The following PPP1R13B variants were observed in gnomAD, a reference collection of about 807,000 sequenced individuals.
The protein encoded by PPP1R13B is protein phosphatase 1 regulatory subunit 13B, also known as apoptosis-stimulating of p53 protein 1.
In PPP1R13B, 44 loss-of-function variants were observed where a neutral mutation model predicts 119.8. The ratio of observed to expected loss-of-function variants is 0.37; its 90% CI spans 0.29 to 0.47. The LOEUF (loss-of-function observed/expected upper bound fraction) is 0.47. Ranked by LOEUF, PPP1R13B falls within the 20% of genes least tolerant of loss-of-function variation. The pLI is 0.99. For missense variants in PPP1R13B, 1,227 were observed against 1,413.5 expected (o/e 0.87, Z 2.12); for synonymous variants, 542 against 561.5 (o/e 0.97, Z 0.49).
chr14:103,759,129 T>C (rs2084745518), intron 4 of PPP1R13B: 1 of 152,082 alleles, frequency 6.6e-6, no homozygotes, highest in East Asian at 1.9e-4. Context: ...CGGCTAATTT[T>C]TGTTATTTTT....
At chr14:103,790,901 G>C (rs2085601178) in intron 2 of PPP1R13B, among the ~76,000 whole-genome samples, 1 of 152,118 alleles carries the variant, frequency 6.6e-6, no homozygotes, top group Admixed American at 6.6e-5. Context: ...CTATAAACTT[G>C]TGTTTATACT....
chr14:103,782,143 C>T (rs1441643938), intron 3 of PPP1R13B, among the ~76,000 whole-genome samples: 2 of 152,124 alleles, frequency 1.3e-5, no homozygotes, highest in East Asian at 1.9e-4. Context: ...AACAACATCC[C>T]CAGTTGCGTA....
chr14:103,762,076 C>A (rs917533950), intron 4 of PPP1R13B, among the ~76,000 whole-genome samples: 1 of 152,122 alleles, frequency 6.6e-6, no homozygotes, highest in Non-Finnish European at 1.5e-5. Flanking sequence ...CTTTTGTGAC[C>A]CTGAAGTGCT....
intron 4 of PPP1R13B, among the ~76,000 whole-genome samples, chr14:103,776,947 C>G (rs2085214508): frequency 1.3e-5 from 2 of 151,952 alleles, no homozygotes; most frequent in Admixed American, 1.3e-4. Context: ...TCAGAAAAGA[C>G]CACATTAAAA....
upstream of PPP1R13B, chr14:103,848,606 G>GC (rs1270396502): frequency 1.6e-6 from 1 of 613,204 alleles, no homozygotes; most frequent in African/African-American, 2.0e-5. Flanking sequence ...GACACAGAAG[G>GC]CGTAAGCCGC....
At chr14:103,798,764 G>A (rs550441152) in intron 1 of PPP1R13B, among the ~76,000 whole-genome samples, 4 of 151,956 alleles carry the variant, frequency 2.6e-5, no homozygotes, top group Admixed American at 1.3e-4. Flanking sequence ...GTGCAGTGGC[G>A]TGATCTCAGC....
chr14:103,809,232 A>C (rs1394619236), intron 1 of PPP1R13B, among the ~76,000 whole-genome samples: 1 of 152,164 alleles, frequency 6.6e-6, no homozygotes, highest in Non-Finnish European at 1.5e-5. Context: ...AACCTTATCA[A>C]TTCTGTTGAG....
chr14:103,783,537 C>T (rs926298461), intron 3 of PPP1R13B, among the ~76,000 whole-genome samples: 1 of 151,950 alleles, frequency 6.6e-6, no homozygotes, highest in Non-Finnish European at 1.5e-5. Flanking sequence ...TAGGCGTGAG[C>T]CACCACACCC....
chr14:103,785,727 GTCTTGGCC>G, intron 2 of PPP1R13B, among the ~76,000 whole-genome samples: 1 of 146,434 alleles, frequency 6.8e-6, no homozygotes, highest in African/African-American at 2.5e-5. Context: ...GGCTAGGCTG[GTCTTGGCC>G]TCTTGGCCTC....
In PPP1R13B at chr14:103,740,053, G is replaced by A. The variant is rs1301312640; in HGVS notation, c.2363C>T (p.Ser788Leu). ...TAPLPAEPAPSSDANDNELPS... is the reference protein window; with the variant it reads ...TAPLPAEPAPLSDANDNELPS... ...TAACTCATTATCATTGGCATCTGAT[G>A]ACGGGGCAGGCTCAGCGGGGAGTGG... The change falls in exon 12 of 17, where the codon TCA (serine) becomes TTA (leucine). Residue 788 changes from serine (S) to leucine (L), a missense_variant. Physicochemically the swap from Ser to Leu is moderately radical, Grantham distance 145. Coordinates refer to ENST00000202556, the MANE Select transcript of PPP1R13B (RefSeq NM_015316.3). The surrounding 1 kb of genome is among the most constrained non-coding windows in gnomAD (Gnocchi z 4.6). 4.3e-6 allele frequency: 7 copies of A among 1,613,908 alleles called. No individual in the cohort carries two copies. Among genetic ancestry groups the A allele is most frequent in the Non-Finnish European group, 5.9e-6 (7 of 1,179,986 alleles).
At chr14:103,776,186 G>GGA (rs2085185848) in intron 4 of PPP1R13B, among the ~76,000 whole-genome samples, 3 of 76,014 alleles carry the variant, frequency 3.9e-5, no homozygotes, top group Non-Finnish European at 7.0e-5. Context: ...GGGAGGGAGG[G>GGA]AGGAAGGAAG....
intron 5 of PPP1R13B, among the ~76,000 whole-genome samples, chr14:103,755,417 T>C (rs1359886528): frequency 6.6e-6 from 1 of 152,232 alleles, no homozygotes; most frequent in Non-Finnish European, 1.5e-5. Context: ...ATTATTTTCT[T>C]CAATAAGGAA....
chr14:103,776,186 GAGGAAGGAAGGAAGGAAGGAAGGA>G (rs1307197386), intron 4 of PPP1R13B, among the ~76,000 whole-genome samples: 1 of 76,000 alleles, frequency 1.3e-5, no homozygotes, highest in Non-Finnish European at 2.3e-5. Context: ...GGGAGGGAGG[GAGGAAGGAAGGAAGGAAGGAAGGA>G]AGGAAGGAAG....
At chr14:103,770,079 A>G (rs144646180) in intron 4 of PPP1R13B, among the ~76,000 whole-genome samples, 71 of 151,968 alleles carry the variant, frequency 4.7e-4, no homozygotes, top group African/African-American at 1.4e-3. Context: ...TTTTAAACAG[A>G]AATGAGGTCT....
intron 6 of PPP1R13B, 33 bp from the exon 7 acceptor site, chr14:103,753,229 A>G (rs1595726866): frequency 2.0e-6 from 3 of 1,522,704 alleles, no homozygotes; most frequent in South Asian, 2.4e-5. Flanking sequence ...AGAATAAAAG[A>G]TTTAGTTGAT....
At chr14:103,848,487 T>G (rs2087127595), upstream of PPP1R13B, 1 of 985,312 alleles carries the variant, frequency 1.0e-6, no homozygotes, top group Non-Finnish European at 1.2e-6. Flanking sequence ...CCCCACATGG[T>G]GCCATTCGCC....
chr14:103,839,346 G>A (rs1044555940), intron 1 of PPP1R13B, among the ~76,000 whole-genome samples: 6 of 151,896 alleles, frequency 4.0e-5, no homozygotes, highest in Non-Finnish European at 8.8e-5. Context: ...GAAATCTCTC[G>A]CCGGGCACAG....
intron 1 of PPP1R13B, among the ~76,000 whole-genome samples, chr14:103,809,826 A>AATTATT (rs111903490): frequency 0.44 from 65,935 of 149,146 alleles, 15,097 homozygotes; most frequent in African/African-American, 0.56. Context: ...CTTGTCTCAA[A>AATTATT]ATTATTATTA....
intron 1 of PPP1R13B, among the ~76,000 whole-genome samples, chr14:103,827,471 T>C (rs762569099): frequency 2.0e-5 from 3 of 152,014 alleles, no homozygotes; most frequent in African/African-American, 4.8e-5. Context: ...GTGTAAAATT[T>C]TGGTTTCAGT....
Sources: gnomAD v4.1 joint callset for allele counts (sites outside exome capture counted in the v4.1 genomes callset) on GRCh38, gnomAD v4.1.1 for gene constraint, Gnocchi (gnomAD v3.1) non-coding constraint, MANE v1.5 for transcripts, NCBI Gene and HGNC (gene_info 2026-07-23, HGNC 2026-07-21) for gene names.